MYO5B: variants seen among roughly 807,000 people sequenced by gnomAD.
MYO5B encodes unconventional myosin-Vb.
MYO5B carries 143 observed loss-of-function variants against 229.3 expected under a neutral mutation model. The ratio of observed to expected loss-of-function variants is 0.62; its 90% CI spans 0.54 to 0.72. The LOEUF (loss-of-function observed/expected upper bound fraction) is 0.72, where lower values mean the gene tolerates loss of function less well. MYO5B is among the 30% of genes least tolerant of loss of function. MYO5B has a pLI of 0.00. For synonymous variants in MYO5B, 918 were observed against 885.2 expected, an observed-to-expected ratio of 1.04 and a Z score of -0.66; for missense variants, 2,321 against 2,331.0, an observed-to-expected ratio of 1.00 and a Z score of 0.09.
chr18:50,000,576 A>T (rs2026035316), intron 5 of MYO5B, among the ~76,000 whole-genome samples: 1 of 152,206 alleles, frequency 6.6e-6, no homozygotes, highest in Non-Finnish European at 1.5e-5. Flanking sequence ...TTCTGATCCT[A>T]AAGCATGCTT....
intron 7 of MYO5B, among the ~76,000 whole-genome samples, chr18:49,985,459 A>G (rs925189482): frequency 6.6e-6 from 1 of 152,218 alleles, no homozygotes; most frequent in African/African-American, 2.4e-5. Flanking sequence ...TTCAGAGCCA[A>G]GCTTAGAAGA....
intron 4 of MYO5B, among the ~76,000 whole-genome samples, chr18:50,008,983 G>A (rs1043972198): frequency 1.9e-4 from 29 of 152,160 alleles, no homozygotes; most frequent in Non-Finnish European, 2.2e-4. Context: ...GTCCAACAAA[G>A]ATACTTGTAT....
chr18:49,831,156 T>C (rs1048329419), intron 39 of MYO5B, among the ~76,000 whole-genome samples: 2 of 152,074 alleles, frequency 1.3e-5, no homozygotes, highest in Non-Finnish European at 2.9e-5. Flanking sequence ...TCTGAATGGA[T>C]CAAAAACTTA....
At chr18:49,939,928 A>G (rs985179368) in intron 14 of MYO5B, among the ~76,000 whole-genome samples, 1 of 150,602 alleles carries the variant, frequency 6.6e-6, no homozygotes. Flanking sequence ...GATTCAGGCT[A>G]AGGCAAGCTA....
chr18:50,069,072 C>T (rs1364687691), intron 1 of MYO5B, among the ~76,000 whole-genome samples: 1 of 152,038 alleles, frequency 6.6e-6, no homozygotes, highest in Non-Finnish European at 1.5e-5. Flanking sequence ...ACAAGGCTCC[C>T]AGGAGGATCA....
intron 16 of MYO5B, among the ~76,000 whole-genome samples, chr18:49,934,337 A>G (rs2025226701): frequency 6.6e-6 from 1 of 152,242 alleles, no homozygotes; most frequent in African/African-American, 2.4e-5. Context: ...CGGTATCATG[A>G]CATGGTCAGT....
chr18:49,973,242 C>G (rs2025710137), intron 10 of MYO5B, among the ~76,000 whole-genome samples: 1 of 152,154 alleles, frequency 6.6e-6, no homozygotes, highest in East Asian at 1.9e-4. Flanking sequence ...TCTTCTTTCT[C>G]CATAGCATGC....
chr18:49,973,148 C>G (rs1361037326), intron 10 of MYO5B, among the ~76,000 whole-genome samples: 1 of 152,160 alleles, frequency 6.6e-6, no homozygotes, highest in Non-Finnish European at 1.5e-5. Flanking sequence ...CTTCTGATGC[C>G]TCTTATGTCA....
intron 17 of MYO5B, among the ~76,000 whole-genome samples, chr18:49,916,649 A>G (rs1568030038): frequency 6.6e-6 from 1 of 152,136 alleles, no homozygotes. Context: ...CTCCTGTGTG[A>G]AGGCAAACCG....
intron 17 of MYO5B, among the ~76,000 whole-genome samples, chr18:49,926,024 T>C (rs1231246881): frequency 6.6e-6 from 1 of 152,200 alleles, no homozygotes; most frequent in Non-Finnish European, 1.5e-5. Context: ...CTATTTGTGT[T>C]CAGACCCTAA....
At chr18:49,962,516 G>C in intron 11 of MYO5B, 110 bp from the exon 12 acceptor site, 8 of 1,454,512 alleles carry the variant, frequency 5.5e-6, no homozygotes, top group Admixed American at 1.7e-5. Flanking sequence ...AGAACTGCCA[G>C]ATAAGGTTTG....
In MYO5B at chr18:49,978,195, T is replaced by TC. The variant is rs548534467; in HGVS notation, c.1056+2248dup. ...CCCCCTTTACCACCTGCATCCTCCA[T>TC]CCATGCCTCCCTAAGAGGCCCTGAT... On this transcript the variant is annotated intron_variant, in intron 9 of 39. Coordinates refer to ENST00000285039, the MANE Select transcript of MYO5B (RefSeq NM_001080467.3). Among the ~76,000 whole-genome samples, 585 of 152,182 alleles carry TC rather than the reference T, an allele frequency of 3.8e-3. 4 individuals are homozygous for TC. The highest frequency in any genetic ancestry group is 7.0e-3 in the Non-Finnish European group (478 of 67,998).
Position 50,058,208 on chromosome 18 carries a change from T to A in MYO5B, c.28-2830A>T, listed in dbSNP as rs374622989. ...AAGGCCAGGTGCAGTGGCTCATGCC[T>A]ATCATTCCAGCACTTTGGGAGCCGA... On this transcript the variant is annotated intron_variant, in intron 1 of 39. Coordinates refer to ENST00000285039, the MANE Select transcript of MYO5B (RefSeq NM_001080467.3). Among the ~76,000 whole-genome samples, 9 of 152,354 alleles carry A rather than the reference T, an allele frequency of 5.9e-5. No homozygotes were observed. The South Asian group carries it at 1.4e-3, about 25-fold the overall frequency.
At chr18:50,136,364 C>CTTT (rs11426659) in intron 1 of MYO5B, among the ~76,000 whole-genome samples, 26 of 131,758 alleles carry the variant, frequency 2.0e-4, no homozygotes, top group East Asian at 2.0e-3. Flanking sequence ...TTTTTTTTTA[C>CTTT]TTTTTTTTTT....
intron 1 of MYO5B, among the ~76,000 whole-genome samples, chr18:50,101,394 T>C (rs1204819568): frequency 6.6e-6 from 1 of 152,188 alleles, no homozygotes; most frequent in Non-Finnish European, 1.5e-5. Context: ...TGGGGCCATC[T>C]TCTCTGTAAG....
intron 30 of MYO5B, among the ~76,000 whole-genome samples, 153 bp downstream of exon 30, chr18:49,856,660 G>T (rs556964248): frequency 6.6e-6 from 1 of 152,378 alleles, no homozygotes; most frequent in South Asian, 2.1e-4. Flanking sequence ...CCTGGGCACA[G>T]TGACAGATGG....
intron 30 of MYO5B, among the ~76,000 whole-genome samples, chr18:49,853,980 A>C (rs2024231745): frequency 6.6e-6 from 1 of 152,236 alleles, no homozygotes. Context: ...CAACAGAAAT[A>C]CATCTCTTAA....
intron 5 of MYO5B, among the ~76,000 whole-genome samples, chr18:49,994,752 C>T (rs1042976074): frequency 6.6e-6 from 1 of 152,224 alleles, no homozygotes; most frequent in Non-Finnish European, 1.5e-5. Context: ...AACCACTTTC[C>T]TTCCACAAAG....
chr18:49,935,031 G>C (rs767674011), intron 16 of MYO5B, among the ~76,000 whole-genome samples: 18 of 152,308 alleles, frequency 1.2e-4, no homozygotes, highest in Non-Finnish European at 2.2e-4. Flanking sequence ...GCCCAGAGCA[G>C]AAGAGACTGC....
Sources: allele counts gnomAD v4.1 joint callset (sites outside exome capture counted in the v4.1 genomes callset), GRCh38; gene constraint gnomAD v4.1.1; transcripts MANE v1.5; gene names NCBI Gene and HGNC (gene_info 2026-07-23, HGNC 2026-07-21).